SFMBT2: variants seen among roughly 807,000 people sequenced by gnomAD.
SFMBT2 encodes the protein Scm like with four mbt domains 2.
In SFMBT2, 38 loss-of-function variants were observed where a neutral mutation model predicts 110.1. That is an observed-to-expected ratio of 0.35 (90% CI 0.27 to 0.45). The LOEUF is 0.45. Ranked by LOEUF, SFMBT2 falls within the 20% of genes least tolerant of loss-of-function variation. The pLI, the probability that SFMBT2 is intolerant of heterozygous loss-of-function variation, is 1.00. For synonymous variants in SFMBT2, 425 were observed against 425.4 expected (o/e 1.00, Z 0.01); for missense variants, 1,011 against 1,094.9 (o/e 0.92, Z 1.08).
intron 7 of SFMBT2, among the ~76,000 whole-genome samples, chr10:7,263,106 A>G (rs1358415570): frequency 3.3e-5 from 5 of 152,292 alleles, no homozygotes; most frequent in South Asian, 4.1e-4. Context: ...GGGATGCCTG[A>G]GAGAACAGAC....
At chr10:7,242,232 C>A (rs1476778439) in intron 9 of SFMBT2, among the ~76,000 whole-genome samples, 1 of 152,180 alleles carries the variant, frequency 6.6e-6, no homozygotes, top group Admixed American at 6.5e-5. Flanking sequence ...CTGCTGGCAC[C>A]TGGGGACTCC....
chr10:7,232,746 T>C (rs1388842442), intron 9 of SFMBT2, among the ~76,000 whole-genome samples: 1 of 152,244 alleles, frequency 6.6e-6, no homozygotes, highest in Non-Finnish European at 1.5e-5. Context: ...AAGTTTTTAA[T>C]AATGATCACA....
At chr10:7,174,175 C>A (rs909410341) in intron 17 of SFMBT2, among the ~76,000 whole-genome samples, 1 of 152,216 alleles carries the variant, frequency 6.6e-6, no homozygotes, top group Non-Finnish European at 1.5e-5. Context: ...GAGCTTGGAA[C>A]AATGTCCCGT....
intron 1 of SFMBT2, among the ~76,000 whole-genome samples, chr10:7,392,983 T>A (rs1347443296): frequency 1.7e-5 from 1 of 59,954 alleles, no homozygotes; most frequent in Non-Finnish European, 3.4e-5. Context: ...TGTGGATAGA[T>A]TATATATATA....
intron 16 of SFMBT2, among the ~76,000 whole-genome samples, chr10:7,182,074 C>G (rs1367454945): frequency 1.3e-5 from 2 of 152,012 alleles, no homozygotes; most frequent in Non-Finnish European, 2.9e-5. Context: ...GAGACAGGCT[C>G]TCACCCAGGC....
intron 4 of SFMBT2, among the ~76,000 whole-genome samples, chr10:7,305,002 A>C (rs746649883): frequency 3.0e-4 from 46 of 152,236 alleles, no homozygotes; most frequent in Non-Finnish European, 5.6e-4. Flanking sequence ...CAGGAGTGAC[A>C]ACAGGAGCAT....
At chr10:7,333,348 C>T (rs1439419651) in intron 4 of SFMBT2, among the ~76,000 whole-genome samples, 4 of 151,510 alleles carry the variant, frequency 2.6e-5, no homozygotes, top group Admixed American at 2.6e-4. Flanking sequence ...ATATTACAGG[C>T]ACCTAGTAAA....
Position 7,293,474 on chromosome 10 carries a change from A to G in SFMBT2, c.437-7520T>C, listed in dbSNP as rs1378033902. Among the ~76,000 whole-genome samples, 1 of 152,118 alleles carries G rather than the reference A, an allele frequency of 6.6e-6. No individual in the cohort carries two copies. The highest frequency in any genetic ancestry group is 6.5e-5 in the Admixed American group (1 of 15,270). ...GCTACAAGAGAAGTAGAACACAGAA[A>G]TGTCCCTGAGGCTTTCTGGCCCAAG... On this transcript the variant is annotated intron_variant, in intron 4 of 20. Transcript: ENST00000397167. The surrounding 1 kb of genome is among the most constrained non-coding windows in gnomAD (Gnocchi z 4.6).
At chr10:7,390,215 G>A (rs868121159) in intron 1 of SFMBT2, among the ~76,000 whole-genome samples, 13 of 152,284 alleles carry the variant, frequency 8.5e-5, no homozygotes, top group Middle Eastern at 3.4e-3. Context: ...GCACATGTGG[G>A]TAGAAGGTGG....
Position 7,171,207 on chromosome 10 carries a change from C to G in SFMBT2, c.2416-151G>C. 1 of 1,398,144 alleles carries G rather than the reference C, an allele frequency of 7.2e-7. No homozygotes were observed. Among genetic ancestry groups the G allele is most frequent in the East Asian group, 2.4e-5 (1 of 42,032 alleles). The allele number at this position is 1,398,144 out of a possible 1,614,324, so 86.6% of individuals were successfully genotyped here. On this transcript the variant is annotated intron_variant, in intron 19 of 20. Coordinates refer to ENST00000397167, the MANE Select transcript of SFMBT2 (RefSeq NM_001387889.1). The surrounding 1 kb of genome is among the most constrained non-coding windows in gnomAD (Gnocchi z 4.9). ...CACCTGAAAAAGCTGCACACACTCTCAGTCCCTGAGAAAGTTCTTGGCTCA... is the reference window on the plus strand; with the variant it reads ...CACCTGAAAAAGCTGCACACACTCTGAGTCCCTGAGAAAGTTCTTGGCTCA...
At chr10:7,195,890 G>A (rs980837243) in intron 15 of SFMBT2, among the ~76,000 whole-genome samples, 18 of 152,254 alleles carry the variant, frequency 1.2e-4, no homozygotes, top group Non-Finnish European at 2.2e-4. Context: ...CATTCTACAT[G>A]CTCCCAAATA....
Position 7,163,674 on chromosome 10 carries a change from A to G in SFMBT2, c.*96T>C. The stretch of plus-strand genomic sequence containing the variant: ...TTTTCTGGTGATACTTAGTGGCTGT[A>G]CCATTTAACATATCCCGGAAAATCA... On this transcript the variant is annotated 3_prime_UTR_variant, in exon 21 of 21. Coordinates refer to ENST00000397167, the MANE Select transcript of SFMBT2 (RefSeq NM_001387889.1). The surrounding 1 kb of genome is among the most constrained non-coding windows in gnomAD (Gnocchi z 4.8). The G allele has an allele frequency of 8.9e-7, 1 of 1,118,584 alleles. No individual in the cohort carries two copies. The highest frequency in any genetic ancestry group is 1.3e-6 in the Non-Finnish European group (1 of 764,340). The allele number at this position is 1,118,584 out of a possible 1,614,324, so 69.3% of individuals were successfully genotyped here.
intron 4 of SFMBT2, among the ~76,000 whole-genome samples, chr10:7,322,551 T>C (rs1843225135): frequency 6.6e-6 from 1 of 151,890 alleles, no homozygotes. Flanking sequence ...TTTTAGAAAT[T>C]CTAGAAGGAA....
At chr10:7,298,639 GTGTA>G (rs1341021965) in intron 4 of SFMBT2, among the ~76,000 whole-genome samples, 4 of 152,170 alleles carry the variant, frequency 2.6e-5, no homozygotes, top group African/African-American at 9.7e-5. Flanking sequence ...GTGCATGCAT[GTGTA>G]TGTATATGTG....
At position 7,159,665 on chromosome 10, in the gene SFMBT2, A is replaced by C. The variant is rs1837499658; in HGVS notation, c.*4105T>G. 1 of 152,212 alleles carries C rather than the reference A, an allele frequency of 6.6e-6. No individual in the cohort carries two copies. The highest frequency in any genetic ancestry group is 2.1e-4 in the South Asian group (1 of 4,830). The allele number at this position is 152,212 out of a possible 1,614,324, so 9.4% of individuals were successfully genotyped here. A position where few individuals can be genotyped will look rare whatever the true frequency, so the allele number is the denominator to read the frequency against. On this transcript the variant is annotated 3_prime_UTR_variant, in exon 21 of 21. Coordinates refer to ENST00000397167, the MANE Select transcript of SFMBT2 (RefSeq NM_001387889.1). ...TGCACGCACGATCACAGCTTTCTAA[A>C]GACAGAAGAGAGAGGAAGTGAAGCC...
At position 7,391,449 on chromosome 10, in the gene SFMBT2, G is replaced by C. The variant is rs1238350787; in HGVS notation, c.-51-9500C>G. Among the ~76,000 whole-genome samples the C allele has an allele frequency of 2.7e-5, 4 of 148,274 alleles. No homozygotes were observed. The South Asian group carries it at 6.4e-4, about 24-fold the overall frequency. ...CTACTGCACTCCAGCCTGGGCAACA[G>C]AGCGAGACTCTGTCTCAAAAAAAAA... is the stretch of plus-strand genomic sequence containing the variant. On this transcript the variant is annotated intron_variant, in intron 1 of 20. Transcript: ENST00000397167.
rs1311631357 is a variant in SFMBT2, at chr10:7,170,154, C to T, written c.2544+774G>A. ...GGAAGGTGGAGAAAGGAGGGCAGAC[C>T]GGCTAGGGGCCTGGGCCCCCAGCTG... On this transcript the variant is annotated intron_variant, in intron 20 of 20. Coordinates refer to ENST00000397167, the MANE Select transcript of SFMBT2 (RefSeq NM_001387889.1). The surrounding 1 kb of genome is among the most constrained non-coding windows in gnomAD (Gnocchi z 4.6). Among the ~76,000 whole-genome samples, 2 of 152,162 alleles carry T rather than the reference C, an allele frequency of 1.3e-5. No individual in the cohort carries two copies. The highest frequency in any genetic ancestry group is 2.9e-5 in the Non-Finnish European group (2 of 68,032).
chr10:7,357,310 G>A (rs1350544480), intron 4 of SFMBT2, among the ~76,000 whole-genome samples: 1 of 152,192 alleles, frequency 6.6e-6, no homozygotes, highest in African/African-American at 2.4e-5. Flanking sequence ...TTCTGTGAAG[G>A]TGTTGTTGGA....
At chr10:7,375,113 T>C (rs1410740004) in intron 2 of SFMBT2, among the ~76,000 whole-genome samples, 1 of 152,214 alleles carries the variant, frequency 6.6e-6, no homozygotes, top group African/African-American at 2.4e-5. Flanking sequence ...CGAAGAAAAT[T>C]TCACAATTTA....
Sources: gnomAD v4.1 joint callset for allele counts (sites outside exome capture counted in the v4.1 genomes callset) on GRCh38, gnomAD v4.1.1 for gene constraint, Gnocchi (gnomAD v3.1) non-coding constraint, MANE v1.5 for transcripts, NCBI Gene and HGNC (gene_info 2026-07-23, HGNC 2026-07-21) for gene names.